Variants in PLEKHG1 observed in about 807,000 individuals in gnomAD.
PLEKHG1 encodes the protein pleckstrin homology domain-containing family G member 1.
Under a neutral mutation model 100.8 loss-of-function variants are expected in PLEKHG1, and 44 were observed. The observed-to-expected ratio is 0.44, with a 90% CI of 0.34 to 0.56. The LOEUF is 0.56. Among genes scored for constraint, PLEKHG1 ranks in the 20% least tolerant of loss-of-function variants. PLEKHG1 has a pLI of 0.01. For synonymous variants in PLEKHG1, 640 were observed against 662.5 expected (o/e 0.97, Z 0.52); for missense variants, 1,545 against 1,720.9 (o/e 0.90, Z 1.81).
chr6:150,629,036 A>C (rs1777632292), intron 1 of PLEKHG1, among the ~76,000 whole-genome samples: 1 of 152,214 alleles, frequency 6.6e-6, no homozygotes, highest in Non-Finnish European at 1.5e-5. Context: ...CCACAGTGGA[A>C]TAAACAGCCA....
At chr6:150,674,680 T>TCTCTCTCTCTCC (rs1562427813) in intron 3 of PLEKHG1, among the ~76,000 whole-genome samples, 2 of 132,788 alleles carry the variant, frequency 1.5e-5, no homozygotes, top group African/African-American at 3.0e-5. Flanking sequence ...TCTCTCTCTC[T>TCTCTCTCTCTCC]CTCCCCCCTC....
intron 3 of PLEKHG1, among the ~76,000 whole-genome samples, chr6:150,769,513 T>G (rs1349997790): frequency 7.9e-6 from 1 of 126,090 alleles, no homozygotes; most frequent in Admixed American, 1.0e-4. Flanking sequence ...ACCCAGGAGG[T>G]GGAAGTTGAG....
At chr6:150,758,931 C>T (rs1784001312) in intron 2 of PLEKHG1, among the ~76,000 whole-genome samples, 1 of 152,216 alleles carries the variant, frequency 6.6e-6, no homozygotes, top group Non-Finnish European at 1.5e-5. Flanking sequence ...GCTTTCCAGG[C>T]TCCCCATCAT....
chr6:150,678,597 C>T (rs2128588233), intron 3 of PLEKHG1, among the ~76,000 whole-genome samples: 1 of 152,292 alleles, frequency 6.6e-6, no homozygotes, highest in Non-Finnish European at 1.5e-5. Context: ...GGTCAGTCAG[C>T]ACCTTGTAAT....
intron 2 of PLEKHG1, among the ~76,000 whole-genome samples, chr6:150,744,745 T>A (rs1398989166): frequency 6.6e-6 from 1 of 152,202 alleles, no homozygotes; most frequent in African/African-American, 2.4e-5. Context: ...TCTCAGATAA[T>A]GGCAAGGTCA....
chr6:150,721,470 G>C (rs1214755834), intron 1 of PLEKHG1, among the ~76,000 whole-genome samples: 1 of 152,122 alleles, frequency 6.6e-6, no homozygotes, highest in Non-Finnish European at 1.5e-5. Context: ...ATCTGATTTT[G>C]CTCTTTCCTT....
At chr6:150,702,804 G>A (rs997905902) in intron 3 of PLEKHG1, among the ~76,000 whole-genome samples, 3 of 152,086 alleles carry the variant, frequency 2.0e-5, no homozygotes, top group African/African-American at 7.2e-5. Flanking sequence ...TCCATAATGG[G>A]TCAACTTCCG....
At chr6:150,637,634 A>G (rs1371857295) in intron 1 of PLEKHG1, among the ~76,000 whole-genome samples, 4 of 152,162 alleles carry the variant, frequency 2.6e-5, no homozygotes, top group Admixed American at 6.5e-5. Flanking sequence ...AGTGTAGCCA[A>G]TAAGTCTGAT....
At chr6:150,603,085 A>T (rs1582882101) in intron 1 of PLEKHG1, among the ~76,000 whole-genome samples, 1 of 148,986 alleles carries the variant, frequency 6.7e-6, no homozygotes, top group South Asian at 2.1e-4. Context: ...GTCTCAAAAA[A>T]AAAAAAAATA....
chr6:150,780,387 T>A (rs1785244760), intron 3 of PLEKHG1, among the ~76,000 whole-genome samples: 11 of 152,138 alleles, frequency 7.2e-5, no homozygotes, highest in Admixed American at 5.9e-4. Flanking sequence ...GTGTTGGGAT[T>A]ACAGGCGTGA....
At chr6:150,612,058 C>CCGA in intron 1 of PLEKHG1, among the ~76,000 whole-genome samples, 1 of 101,746 alleles carries the variant, frequency 9.8e-6, no homozygotes, top group South Asian at 4.0e-4. Context: ...CCCCCCCCCC[C>CCGA]CCTTTTCTAG....
Position 150,600,337 on chromosome 6 carries a change from C to T in PLEKHG1, c.-204+320C>T, listed in dbSNP as rs893271521. Among the ~76,000 whole-genome samples the T allele has an allele frequency of 2.6e-5, 4 of 151,938 alleles. No homozygotes were observed. The highest frequency in any genetic ancestry group is 2.1e-4 in the South Asian group (1 of 4,828). On this transcript the variant is annotated intron_variant, in intron 1 of 3. Coordinates refer to the PLEKHG1 transcript ENST00000367326. The surrounding 1 kb of genome is among the most constrained non-coding windows in gnomAD (Gnocchi z 6.2). Reference sequence around the variant, plus strand: ...CTTGGGGTTCCGCGCCCCCAAGTTCCCGGTGCTCCCGCCCCTCGCCCCAGC... The same window carrying T: ...CTTGGGGTTCCGCGCCCCCAAGTTCTCGGTGCTCCCGCCCCTCGCCCCAGC...
At chr6:150,818,264 T>C (rs1775191794) in intron 11 of PLEKHG1, 48 bp downstream of exon 12, 1 of 1,267,102 alleles carries the variant, frequency 7.9e-7, no homozygotes, top group Non-Finnish European at 1.1e-6. Flanking sequence ...TGTCTGTTTG[T>C]ATCTATCACA....
chr6:150,770,000 G>A (rs1429266417), intron 3 of PLEKHG1, among the ~76,000 whole-genome samples: 2 of 152,124 alleles, frequency 1.3e-5, no homozygotes, highest in Non-Finnish European at 2.9e-5. Flanking sequence ...GCCCATAGGA[G>A]GCATCCAAAC....
At chr6:150,832,305 A>G (rs1419031956) in intron 15 of PLEKHG1, 100 bp downstream of exon 16, 3 of 956,344 alleles carry the variant, frequency 3.1e-6, no homozygotes, top group Non-Finnish European at 4.6e-6. Context: ...GAGAACACTG[A>G]CACTCAAGCT....
At chr6:150,833,674 T>C (rs1039593890) in intron 15 of PLEKHG1, among the ~76,000 whole-genome samples, 2 of 152,208 alleles carry the variant, frequency 1.3e-5, no homozygotes, top group African/African-American at 4.8e-5. Flanking sequence ...ACAGAGAGAT[T>C]TCTGGCTATA....
intron 2 of PLEKHG1, among the ~76,000 whole-genome samples, chr6:150,764,293 A>G (rs141682795): frequency 0.015 from 2,201 of 151,694 alleles, 21 homozygotes; most frequent in South Asian, 0.025. Flanking sequence ...TAAATTTTGT[A>G]TTTTTAGTAG....
intron 3 of PLEKHG1, among the ~76,000 whole-genome samples, chr6:150,671,681 G>T (rs1779590042): frequency 6.6e-6 from 1 of 152,206 alleles, no homozygotes; most frequent in African/African-American, 2.4e-5. Context: ...ATTTTAAATT[G>T]TGGTCAGTGC....
intron 13 of PLEKHG1, among the ~76,000 whole-genome samples, chr6:150,822,904 C>T (rs1425857209): frequency 2.0e-5 from 3 of 152,116 alleles, no homozygotes; most frequent in South Asian, 2.1e-4. Context: ...CGCTTGAACC[C>T]GGGAGGCAGA....
Sources: gnomAD v4.1 joint callset for allele counts (sites outside exome capture counted in the v4.1 genomes callset) on GRCh38, gnomAD v4.1.1 for gene constraint, Gnocchi (gnomAD v3.1) non-coding constraint, MANE v1.5 for transcripts, NCBI Gene and HGNC (gene_info 2026-07-23, HGNC 2026-07-21) for gene names.